SLC4A4: variants seen among roughly 807,000 people sequenced by gnomAD.
SLC4A4 encodes electrogenic sodium bicarbonate cotransporter 1.
In SLC4A4, 27 loss-of-function variants were observed where a neutral mutation model predicts 111.5. The ratio of observed to expected loss-of-function variants is 0.24; its 90% CI spans 0.18 to 0.33. The LOEUF (loss-of-function observed/expected upper bound fraction) is 0.33, where lower values mean the gene tolerates loss of function less well. Ranked by LOEUF, SLC4A4 falls within the 10% of genes least tolerant of loss-of-function variation. The pLI is 1.00. For missense variants in SLC4A4, 909 were observed against 1,315.5 expected (o/e 0.69, Z 4.78); for synonymous variants, 443 against 463.4 (o/e 0.96, Z 0.57).
intron 3 of SLC4A4, among the ~76,000 whole-genome samples, chr4:71,278,835 T>C (rs934614612): frequency 6.6e-6 from 1 of 152,206 alleles, no homozygotes; most frequent in Non-Finnish European, 1.5e-5. Context: ...TGTTGAGTTG[T>C]ATGAGTTCCT....
chr4:71,270,064 A>T (rs1400561812), intron 3 of SLC4A4, among the ~76,000 whole-genome samples: 3 of 152,174 alleles, frequency 2.0e-5, no homozygotes, highest in Non-Finnish European at 4.4e-5. Flanking sequence ...ATTAGCAAGG[A>T]GAAGAGCTGG....
rs192465453 is a variant in SLC4A4, at chr4:71,569,287, T to G, written c.*1536T>G. The G allele has an allele frequency of 1.1e-4, 17 of 151,802 alleles. No homozygotes were observed. In the South Asian group the frequency reaches 2.1e-3, roughly 19 times the overall value. The allele number at this position is 151,802 out of a possible 1,614,324, so 9.4% of individuals were successfully genotyped here. On this transcript the variant is annotated 3_prime_UTR_variant, in exon 26 of 26. Transcript: ENST00000264485. ...AATAGCTCTAACATGCAATATAAAA[T>G]TCATAGGAGTATTAATAGCCCATTT... is the stretch of plus-strand genomic sequence containing the variant.
intron 7 of SLC4A4, among the ~76,000 whole-genome samples, chr4:71,412,308 T>C (rs957813176): frequency 6.6e-6 from 1 of 152,204 alleles, no homozygotes; most frequent in Non-Finnish European, 1.5e-5. Flanking sequence ...GGTAACAGTG[T>C]AGTGAGATGC....
chr4:71,143,793 G>T (rs1370954474), intron 2 of SLC4A4, among the ~76,000 whole-genome samples: 1 of 152,134 alleles, frequency 6.6e-6, no homozygotes, highest in African/African-American at 2.4e-5. Flanking sequence ...TGATGGTGTT[G>T]TTTGTTTTTT....
intron 1 of SLC4A4, among the ~76,000 whole-genome samples, chr4:71,200,521 A>G (rs1157197644): frequency 6.6e-6 from 1 of 152,158 alleles, no homozygotes; most frequent in African/African-American, 2.4e-5. Context: ...TCCTACACTG[A>G]GTGTTTCCAT....
intron 3 of SLC4A4, among the ~76,000 whole-genome samples, chr4:71,326,115 T>C (rs1727481499): frequency 6.6e-6 from 1 of 151,938 alleles, no homozygotes; most frequent in Non-Finnish European, 1.5e-5. Context: ...TCTTCCCTTA[T>C]TCTTGATATC....
rs568710356 is a variant in SLC4A4, at chr4:71,284,984, T to G, written c.253+29585T>G. 2.0e-5 allele frequency among the ~76,000 whole-genome samples: 3 copies of G among 152,108 alleles called. No individual in the cohort carries two copies. In the South Asian group the frequency reaches 6.2e-4, roughly 32 times the overall value. On this transcript the variant is annotated intron_variant, in intron 3 of 25. Transcript: ENST00000264485. Reference sequence around the variant, plus strand: ...AGTCATGGAGTAATATTCCTTAGAGTGAGCTTTCCAACTGGTGTCCTGTAG... The same window carrying G: ...AGTCATGGAGTAATATTCCTTAGAGGGAGCTTTCCAACTGGTGTCCTGTAG...
intron 18 of SLC4A4, among the ~76,000 whole-genome samples, chr4:71,537,539 G>A (rs981608624): frequency 6.6e-6 from 1 of 151,916 alleles, no homozygotes; most frequent in African/African-American, 2.4e-5. Flanking sequence ...TAGGAATTTC[G>A]AGGCCACAGA....
intron 2 of SLC4A4, among the ~76,000 whole-genome samples, chr4:71,149,374 A>T (rs1250648132): frequency 6.6e-6 from 1 of 152,082 alleles, no homozygotes; most frequent in African/African-American, 2.4e-5. Context: ...TTCTGATATG[A>T]TTTTGGGGCA....
intron 19 of SLC4A4, among the ~76,000 whole-genome samples, chr4:71,546,883 A>C (rs1055252347): frequency 1.3e-5 from 2 of 151,976 alleles, no homozygotes; most frequent in Non-Finnish European, 2.9e-5. Context: ...GACTTTTAAG[A>C]TTCTGTAATG....
chr4:71,396,898 C>T (rs1719865184), intron 6 of SLC4A4, among the ~76,000 whole-genome samples: 1 of 152,092 alleles, frequency 6.6e-6, no homozygotes, highest in African/African-American at 2.4e-5. Flanking sequence ...AGAGGTTTAA[C>T]ATGTTAAGGG....
chr4:71,183,292 G>C (rs138404836), upstream of SLC4A4, among the ~76,000 whole-genome samples: 102 of 152,300 alleles, frequency 6.7e-4, no homozygotes, highest in African/African-American at 2.4e-3. Context: ...ATATGGTTGA[G>C]AGCTCAGTTG....
At chr4:71,334,320 G>T (rs1371977592) in intron 3 of SLC4A4, among the ~76,000 whole-genome samples, 1 of 152,094 alleles carries the variant, frequency 6.6e-6, no homozygotes, top group African/African-American at 2.4e-5. Flanking sequence ...GGGAGCTAGG[G>T]CCTGGAATTG....
intron 12 of SLC4A4, 129 bp downstream of exon 12, chr4:71,453,798 A>G: frequency 1.2e-6 from 1 of 848,854 alleles, no homozygotes; most frequent in East Asian, 2.5e-5. Context: ...TGGATGCTGC[A>G]TTTTACTTTG....
intron 1 of SLC4A4, chr4:71,233,342 G>A: frequency 1.0e-6 from 1 of 984,044 alleles, no homozygotes; most frequent in Non-Finnish European, 1.2e-6. Context: ...GCAATTAGAA[G>A]ACATTGGTGA....
chr4:71,193,862 A>C (rs1184398519), intron 1 of SLC4A4, among the ~76,000 whole-genome samples: 1 of 152,224 alleles, frequency 6.6e-6, no homozygotes, highest in Non-Finnish European at 1.5e-5. Context: ...AGGCAAACTC[A>C]TTCACCAATG....
At chr4:71,119,218 C>T (rs74482906) in intron 2 of SLC4A4, among the ~76,000 whole-genome samples, 1 of 152,070 alleles carries the variant, frequency 6.6e-6, no homozygotes. Context: ...ATAAAGTTGC[C>T]CTAAAACATA....
chr4:71,312,864 A>G (rs1051359544), intron 3 of SLC4A4, among the ~76,000 whole-genome samples: 3 of 152,232 alleles, frequency 2.0e-5, no homozygotes, highest in African/African-American at 7.2e-5. Flanking sequence ...AACTGGCACA[A>G]GACAAGGATG....
chr4:71,507,545 A>G (rs559535188), intron 16 of SLC4A4, among the ~76,000 whole-genome samples: 5 of 152,356 alleles, frequency 3.3e-5, no homozygotes, highest in South Asian at 2.1e-4. Flanking sequence ...AGAGCTAACT[A>G]TCCTAAATAG....
Sources: allele counts gnomAD v4.1 joint callset (sites outside exome capture counted in the v4.1 genomes callset), GRCh38; gene constraint gnomAD v4.1.1; transcripts MANE v1.5; gene names NCBI Gene and HGNC (gene_info 2026-07-23, HGNC 2026-07-21).